The following EPG5 variants were observed in gnomAD, a reference collection of about 807,000 sequenced individuals.
EPG5 encodes ectopic P-granules 5 autophagy tethering factor.
A neutral mutation model predicts 302.7 loss-of-function variants in EPG5; 159 were observed. The ratio of observed to expected loss-of-function variants is 0.53; its 90% CI spans 0.46 to 0.60. The LOEUF (loss-of-function observed/expected upper bound fraction) is 0.60, where lower values mean the gene tolerates loss of function less well. Ranked by LOEUF, EPG5 falls within the 20% of genes least tolerant of loss-of-function variation. The probability of loss-of-function intolerance (pLI) is 0.00; values close to 1 mark genes in which losing one functional copy is unlikely to be tolerated. For missense variants in EPG5, 2,896 were observed against 3,092.4 expected, an observed-to-expected ratio of 0.94 and a Z score of 1.51; for synonymous variants, 1,158 against 1,136.8, an observed-to-expected ratio of 1.02 and a Z score of -0.37.
At chr18:45,871,804 G>A (rs2048876780) in intron 35 of EPG5, among the ~76,000 whole-genome samples, 1 of 152,150 alleles carries the variant, frequency 6.6e-6, no homozygotes, top group African/African-American at 2.4e-5. Flanking sequence ...GAGGGAATGA[G>A]GAGTTGCTGA....
At chr18:45,840,128 C>A in the EPG5 span, 2 of 1,514,024 alleles carry the variant, frequency 1.3e-6, no homozygotes, top group Non-Finnish European at 1.8e-6. Flanking sequence ...AGACCCCTTC[C>A]ACATGGCATG....
chr18:45,876,904 C>T (rs959418290), intron 34 of EPG5, among the ~76,000 whole-genome samples: 2 of 152,116 alleles, frequency 1.3e-5, no homozygotes, highest in African/African-American at 4.8e-5. Context: ...CTGCATCAGC[C>T]TCCCGAGCAA....
intron 14 of EPG5, 28 bp from the exon 15 acceptor site, chr18:45,923,415 A>C: frequency 6.2e-7 from 1 of 1,602,326 alleles, no homozygotes; most frequent in Non-Finnish European, 8.5e-7. Flanking sequence ...AATCACAAAC[A>C]TACAACCTTG....
chr18:45,915,091 C>G (rs1405948425), intron 20 of EPG5, among the ~76,000 whole-genome samples: 4 of 151,928 alleles, frequency 2.6e-5, no homozygotes, highest in Non-Finnish European at 4.4e-5. Flanking sequence ...CCAGCCTGAC[C>G]AACATGGAGA....
At chr18:45,939,061 C>G (rs1292333763) in intron 10 of EPG5, among the ~76,000 whole-genome samples, 3 of 152,226 alleles carry the variant, frequency 2.0e-5, no homozygotes, top group African/African-American at 7.2e-5. Flanking sequence ...GGATGTGCAG[C>G]TATGCCCTTG....
chr18:45,915,619 A>G lies in EPG5; in HGVS notation c.3585T>C (p.Asn1195=), dbSNP rs1482375160. 1.1e-5 allele frequency: 17 copies of G among 1,612,564 alleles called. No homozygotes were observed. Among genetic ancestry groups the G allele is most frequent in the Non-Finnish European group, 1.4e-5 (17 of 1,178,630 alleles). ...IQKLLYQQHK[N]ALGYHCDRSL... is the part of the protein sequence containing the mutation. Reference sequence around the variant, plus strand: ...TCCGGTCACAGTGGTAACCCAAGGCATTCTACACCGGGAGATGTGGAGCAG... The same window carrying G: ...TCCGGTCACAGTGGTAACCCAAGGCGTTCTACACCGGGAGATGTGGAGCAG... Residue 1195 remains asparagine (N), a splice_region_variant and synonymous_variant, in exon 20 of 44, where the codon AAT becomes AAC. Transcript: ENST00000282041.
Position 45,939,636 on chromosome 18 carries a change from A to C in EPG5, c.2063T>G (p.Phe688Cys). The C allele has an allele frequency of 1.2e-6, 2 of 1,614,148 alleles. No individual in the cohort carries two copies. Among genetic ancestry groups the C allele is most frequent in the Non-Finnish European group, 8.5e-7 (1 of 1,180,012 alleles). ...EKLQVEFDEL[F>C]LRAVLHVLKA... is the part of the protein sequence containing the mutation. Reference sequence around the variant, plus strand: ...CAGCACATGTAGGACAGCCCTCAAAAACAGTTCATCAAATTCAACCTGTAG... The same window carrying C: ...CAGCACATGTAGGACAGCCCTCAAACACAGTTCATCAAATTCAACCTGTAG... Residue 688 changes from phenylalanine to cysteine, a missense_variant, in exon 10 of 44, where the codon TTT becomes TGT. Physicochemically the swap from Phe to Cys is radical, Grantham distance 205. Coordinates refer to ENST00000282041, the MANE Select transcript of EPG5 (RefSeq NM_020964.3).
the EPG5 span, among the ~76,000 whole-genome samples, chr18:45,821,513 A>G: frequency 4.6e-5 from 7 of 152,238 alleles, no homozygotes; most frequent in Non-Finnish European, 7.3e-5. Flanking sequence ...CTAGAAGGAA[A>G]CATAGGGGAA....
the EPG5 span, among the ~76,000 whole-genome samples, chr18:45,815,424 A>G: frequency 6.6e-6 from 1 of 152,160 alleles, no homozygotes; most frequent in Non-Finnish European, 1.5e-5. Flanking sequence ...TATTTGAAAA[A>G]AAAAAGAATT....
chr18:45,898,027 C>T (rs2049519559), intron 27 of EPG5, among the ~76,000 whole-genome samples: 1 of 152,204 alleles, frequency 6.6e-6, no homozygotes, highest in African/African-American at 2.4e-5. Flanking sequence ...TTAAGGAATA[C>T]TGACTTCACT....
chr18:45,907,938 AAG>A lies in EPG5; in HGVS notation c.4329+18_4329+19del. 3 of 1,535,692 alleles carry A rather than the reference AAG, an allele frequency of 2.0e-6. No individual in the cohort carries two copies. Among genetic ancestry groups the A allele is most frequent in the East Asian group, 2.3e-5 (1 of 43,294 alleles). On this transcript the variant is annotated intron_variant, in intron 24 of 43. Coordinates refer to ENST00000282041, the MANE Select transcript of EPG5 (RefSeq NM_020964.3). Reference sequence around the variant, plus strand: ...GATATGCTAAAAAAAAAAAAAAAAAAAGGAGGGCTATAATTTCACCTGCTGAT... The same window carrying A: ...GATATGCTAAAAAAAAAAAAAAAAAAGAGGGCTATAATTTCACCTGCTGAT...
chr18:45,900,897 G>A lies in EPG5; in HGVS notation c.4646+99C>T. On this transcript the variant is annotated intron_variant, in intron 26 of 43. Transcript: ENST00000282041. Reference sequence around the variant, plus strand: ...CCAGGTTGGTCAAACTATCCTCATTGTAAAAATGCTGACAAGGAAGCCACT... The same window carrying A: ...CCAGGTTGGTCAAACTATCCTCATTATAAAAATGCTGACAAGGAAGCCACT... The A allele has an allele frequency of 4.4e-6, 6 of 1,360,564 alleles. No homozygotes were observed. The South Asian group carries it at 8.6e-5, about 20-fold the overall frequency. 84.3% of individuals were successfully genotyped at this position (1,360,564 alleles called of 1,614,324 possible).
At chr18:45,843,159 C>T (rs12458195), downstream of EPG5, 24,618 of 152,254 alleles carry the variant, frequency 0.16, 2,421 homozygotes, top group East Asian at 0.34. Flanking sequence ...CCGGAGAGTC[C>T]GTGCGTAAAG....
chr18:45,915,552 T>C lies in EPG5; in HGVS notation c.3652A>G (p.Ile1218Val), dbSNP rs546759895. ...AAGCCCTCCACAAAGGAAGGAGTGA[T>C]GTTGCCTGCCACAATCCAGCTTACC... is the stretch of plus-strand genomic sequence containing the variant. ...SLVSWIVAGN[I>V]TPSFVEGLAT... The change falls in exon 20 of 44, where the codon ATC becomes GTC. Residue 1218 changes from isoleucine (I) to valine (V), a missense_variant. Physicochemically the swap from Ile to Val is conservative, Grantham distance 29. Coordinates refer to ENST00000282041, the MANE Select transcript of EPG5 (RefSeq NM_020964.3). The C allele has an allele frequency of 2.2e-5, 35 of 1,614,060 alleles. No homozygotes were observed. Among genetic ancestry groups the C allele is most frequent in the Non-Finnish European group, 2.6e-5 (31 of 1,180,034 alleles).
the EPG5 span, among the ~76,000 whole-genome samples, chr18:45,813,427 A>C: frequency 5.3e-5 from 8 of 152,350 alleles, no homozygotes; most frequent in South Asian, 1.7e-3. Context: ...TATATACCCA[A>C]ATGATTATAA....
chr18:45,811,902 G>C, the EPG5 span, among the ~76,000 whole-genome samples: 9 of 147,614 alleles, frequency 6.1e-5, no homozygotes, highest in East Asian at 1.6e-3. Context: ...ACATAGTGTT[G>C]GAAGTTCTGG....
intron 5 of EPG5, 102 bp downstream of exon 5, chr18:45,949,380 ACT>A: frequency 8.0e-6 from 5 of 626,056 alleles, no homozygotes; most frequent in Non-Finnish European, 1.4e-5. Flanking sequence ...TTTAAATATT[ACT>A]CTTTTTTAAA....
chr18:45,878,374 A>G lies in EPG5; in HGVS notation c.5942+2T>C. ...AATTTGAATATCTAAAAAACTGTTT[A>G]CCTTTCGTTGTCCTCTAAAACCAGG... On this transcript the variant is annotated splice_donor_variant, in intron 34 of 43. Transcript: ENST00000282041. LOFTEE classifies it high-confidence loss of function. 6.3e-7 allele frequency: 1 copy of G among 1,596,698 alleles called. No individual in the cohort carries two copies. Among genetic ancestry groups the G allele is most frequent in the South Asian group, 1.1e-5 (1 of 90,552 alleles).
At position 45,952,463 on chromosome 18, in the gene EPG5, T is replaced by C. The variant is rs968213343; in HGVS notation, c.1189A>G (p.Ile397Val). The C allele has an allele frequency of 1.9e-6, 3 of 1,614,078 alleles. No homozygotes were observed. The highest frequency in any genetic ancestry group is 1.7e-5 in the Admixed American group (1 of 60,006). Residue 397 changes from isoleucine (I) to valine (V), a missense_variant, in exon 3 of 44, where the codon ATC (isoleucine) becomes GTC (valine). Ile to Val is a conservative substitution (Grantham distance 29). This residue lies in a region of EPG5 where 1,390 missense variants were observed against 1,430.0 expected (regional missense o/e 0.97). Transcript: ENST00000282041. ...GCTGAACTACTGAGCAATGCATAGATGTAAGACTCCACTTGCAATCTTGAG... is the reference window on the plus strand; with the variant it reads ...GCTGAACTACTGAGCAATGCATAGACGTAAGACTCCACTTGCAATCTTGAG... The part of the protein sequence containing the change: ...VLSRLQVESY[I>V]YALLSSSAVL...
Sources: allele counts gnomAD v4.1 joint callset (sites outside exome capture counted in the v4.1 genomes callset), GRCh38; gene constraint gnomAD v4.1.1; regional missense constraint gnomAD v4.1.1; transcripts MANE v1.5; gene names NCBI Gene and HGNC (gene_info 2026-07-23, HGNC 2026-07-21).